The following CNTNAP2 variants were observed in gnomAD, a reference collection of about 807,000 sequenced individuals.
The protein encoded by CNTNAP2 is contactin associated protein 2, also known as contactin-associated protein-like 2.
CNTNAP2 carries 98 observed loss-of-function variants against 155.2 expected under a neutral mutation model. That is an observed-to-expected ratio of 0.63 (90% CI 0.54 to 0.75). The LOEUF (loss-of-function observed/expected upper bound fraction) is 0.75. CNTNAP2 is among the 30% of genes least tolerant of loss of function. The pLI is 0.00. For synonymous variants in CNTNAP2, 651 were observed against 631.2 expected (o/e 1.03, Z -0.47); for missense variants, 1,727 against 1,688.1 (o/e 1.02, Z -0.40).
chr7:146,316,934 A>T (rs1206848705), intron 1 of CNTNAP2, among the ~76,000 whole-genome samples: 1 of 149,018 alleles, frequency 6.7e-6, no homozygotes, highest in Non-Finnish European at 1.5e-5. Flanking sequence ...GCCTTGTTCA[A>T]TGGGGATTCA....
chr7:146,824,547 CTGT>C (rs1391032903), intron 2 of CNTNAP2, among the ~76,000 whole-genome samples: 4 of 152,282 alleles, frequency 2.6e-5, no homozygotes, highest in Middle Eastern at 3.4e-3. Context: ...CCTTCAGTAT[CTGT>C]TGTTTCCTGA....
chr7:147,355,221 T>C (rs1353247452), intron 9 of CNTNAP2, among the ~76,000 whole-genome samples: 5 of 151,952 alleles, frequency 3.3e-5, no homozygotes, highest in Non-Finnish European at 7.4e-5. Context: ...AAGGCAGAAA[T>C]AAATAAGTTA....
intron 20 of CNTNAP2, among the ~76,000 whole-genome samples, chr7:148,254,886 C>T (rs1796433627): frequency 6.6e-6 from 1 of 151,504 alleles, no homozygotes; most frequent in African/African-American, 2.4e-5. Context: ...TGTTTTCTTC[C>T]TCCCTTTTCC....
intron 11 of CNTNAP2, among the ~76,000 whole-genome samples, chr7:147,511,744 A>G (rs1799026540): frequency 6.6e-6 from 1 of 152,128 alleles, no homozygotes; most frequent in Admixed American, 6.5e-5. Flanking sequence ...CTTTGCAACA[A>G]AACGACAAAG....
chr7:147,741,647 G>C (rs1368928886), intron 13 of CNTNAP2, among the ~76,000 whole-genome samples: 4 of 152,120 alleles, frequency 2.6e-5, no homozygotes, highest in Non-Finnish European at 4.4e-5. Context: ...ACTACCACTG[G>C]AGTGTCATTC....
intron 9 of CNTNAP2, among the ~76,000 whole-genome samples, chr7:147,382,776 CAAG>C (rs1796557446): frequency 6.6e-6 from 1 of 152,100 alleles, no homozygotes; most frequent in East Asian, 1.9e-4. Flanking sequence ...AGGTAAGAGA[CAAG>C]AAGTCAGTAC....
intron 11 of CNTNAP2, among the ~76,000 whole-genome samples, chr7:147,514,035 A>G (rs886655843): frequency 5.9e-5 from 9 of 152,206 alleles, no homozygotes; most frequent in Admixed American, 3.9e-4. Context: ...TGAAAACACC[A>G]TAAATCTACT....
chr7:147,698,752 T>C (rs1796195314), intron 13 of CNTNAP2, among the ~76,000 whole-genome samples: 4 of 152,136 alleles, frequency 2.6e-5, no homozygotes, highest in African/African-American at 4.8e-5. Context: ...TTTGCAGATA[T>C]GGGGTTTTGC....
intron 13 of CNTNAP2, among the ~76,000 whole-genome samples, chr7:147,786,637 T>G (rs144255918): frequency 7.9e-4 from 120 of 152,198 alleles, no homozygotes; most frequent in Admixed American, 5.4e-3. Flanking sequence ...GGGAGATATT[T>G]GAGAGAACTC....
intron 1 of CNTNAP2, among the ~76,000 whole-genome samples, chr7:146,196,393 TG>T (rs1008452748): frequency 7.8e-4 from 118 of 152,212 alleles, no homozygotes; most frequent in African/African-American, 2.7e-3. Context: ...ATAACTACAA[TG>T]AGAGGTAGAA....
chr7:148,002,142 A>G (rs1801909838), intron 15 of CNTNAP2, among the ~76,000 whole-genome samples: 1 of 152,196 alleles, frequency 6.6e-6, no homozygotes, highest in African/African-American at 2.4e-5. Flanking sequence ...TTATGAGAAA[A>G]GCAGAACATC....
intron 1 of CNTNAP2, among the ~76,000 whole-genome samples, chr7:146,363,089 C>T (rs1795107535): frequency 6.6e-6 from 1 of 152,018 alleles, no homozygotes; most frequent in Non-Finnish European, 1.5e-5. Flanking sequence ...CTATTTATAC[C>T]AGAGAGTAGC....
intron 3 of CNTNAP2, among the ~76,000 whole-genome samples, chr7:146,935,195 A>C (rs1213374836): frequency 2.6e-5 from 4 of 152,136 alleles, no homozygotes; most frequent in Admixed American, 1.3e-4. Context: ...ATCATGAATC[A>C]AGACTTCTGT....
chr7:146,327,278 G>A (rs1435705279), intron 1 of CNTNAP2, among the ~76,000 whole-genome samples: 1 of 152,304 alleles, frequency 6.6e-6, no homozygotes, highest in Non-Finnish European at 1.5e-5. Context: ...AGACTGTACT[G>A]TAAACAATAT....
intron 4 of CNTNAP2, among the ~76,000 whole-genome samples, chr7:147,055,240 T>C (rs543425587): frequency 1.3e-5 from 2 of 152,348 alleles, no homozygotes; most frequent in East Asian, 3.9e-4. Flanking sequence ...AGATTTATGA[T>C]CACGGCTCTA....
chr7:147,706,902 T>A (rs1796325077), intron 13 of CNTNAP2, among the ~76,000 whole-genome samples: 1 of 152,166 alleles, frequency 6.6e-6, no homozygotes, highest in African/African-American at 2.4e-5. Context: ...TTCTTCTCTT[T>A]CATCTAATAT....
In CNTNAP2 at chr7:148,217,383, G is replaced by A. The variant is rs545175315; in HGVS notation, c.3106G>A (p.Ala1036Thr). 2.0e-5 allele frequency: 32 copies of A among 1,613,878 alleles called. No homozygotes were observed. The highest frequency in any genetic ancestry group is 6.7e-5 in the African/African-American group (5 of 74,852). ...AGACTCCAGCAGCAGAGTAGACAAC[G>A]CTCCCGACCAGCAGAACTCCCACCC... is the stretch of plus-strand genomic sequence containing the variant. ...ARDSSSRVDN[A>T]PDQQNSHPDL... Residue 1036 changes from alanine to threonine, a missense_variant, in exon 19 of 24, where the codon GCT (alanine) becomes ACT (threonine). Coordinates refer to ENST00000361727, the MANE Select transcript of CNTNAP2 (RefSeq NM_014141.6).
chr7:146,906,201 G>A (rs1174192057), intron 3 of CNTNAP2, among the ~76,000 whole-genome samples: 2 of 151,908 alleles, frequency 1.3e-5, no homozygotes, highest in Non-Finnish European at 2.9e-5. Context: ...AGATCAAACT[G>A]CAAGGCGGCA....
At chr7:147,156,936 G>T (rs1308842023) in intron 8 of CNTNAP2, among the ~76,000 whole-genome samples, 2 of 152,024 alleles carry the variant, frequency 1.3e-5, no homozygotes, top group Non-Finnish European at 2.9e-5. Flanking sequence ...CACAAGAAAA[G>T]AAAATACTTG....
Sources: allele counts gnomAD v4.1 joint callset (sites outside exome capture counted in the v4.1 genomes callset), GRCh38; gene constraint gnomAD v4.1.1; transcripts MANE v1.5; gene names NCBI Gene and HGNC (gene_info 2026-07-23, HGNC 2026-07-21).